CA5A: variants seen among roughly 807,000 people sequenced by gnomAD.
The protein encoded by CA5A is carbonic anhydrase 5A, mitochondrial.
CA5A carries 28 observed loss-of-function variants against 37.1 expected under a neutral mutation model. The observed-to-expected ratio is 0.75, with a 90% CI of 0.56 to 1.03. CA5A has a LOEUF of 1.03. Among genes scored for constraint, CA5A ranks in the 50% least tolerant of loss-of-function variants. The pLI, the probability that CA5A is intolerant of heterozygous loss-of-function variation, is 0.00. For synonymous variants in CA5A, 171 were observed against 158.4 expected, an observed-to-expected ratio of 1.08 and a Z score of -0.60; for missense variants, 444 against 399.9, an observed-to-expected ratio of 1.11 and a Z score of -0.94.
chr16:87,906,060 C>G (rs986624322), intron 2 of CA5A, among the ~76,000 whole-genome samples: 5 of 152,252 alleles, frequency 3.3e-5, no homozygotes, highest in African/African-American at 1.2e-4. Context: ...TTGTCACTAA[C>G]AGATTTCCAT....
intron 1 of CA5A, 113 bp downstream of exon 1, chr16:87,936,196 T>C: frequency 2.3e-5 from 11 of 468,878 alleles, no homozygotes; most frequent in South Asian, 1.3e-4. Context: ...AAAAACGGAG[T>C]GGAAATCTGA....
At chr16:87,893,668 G>C in intron 5 of CA5A, 1 of 581,304 alleles carries the variant, frequency 1.7e-6, no homozygotes, top group Non-Finnish European at 3.2e-6. Context: ...GCCGAGGCTC[G>C]GGCTGGGTCA....
intron 2 of CA5A, among the ~76,000 whole-genome samples, chr16:87,905,859 G>A (rs1355774430): frequency 6.6e-6 from 1 of 152,232 alleles, no homozygotes; most frequent in Non-Finnish European, 1.5e-5. Flanking sequence ...CACAGTGCCA[G>A]GTGCAGCCTC....
intron 2 of CA5A, among the ~76,000 whole-genome samples, chr16:87,905,567 C>T (rs901845839): frequency 2.6e-5 from 4 of 152,152 alleles, no homozygotes; most frequent in African/African-American, 7.2e-5. Flanking sequence ...CCATGTTAGC[C>T]AGGCTGGTCT....
At chr16:87,902,862 A>G (rs993223527) in intron 3 of CA5A, among the ~76,000 whole-genome samples, 1 of 151,018 alleles carries the variant, frequency 6.6e-6, no homozygotes, top group Non-Finnish European at 1.5e-5. Flanking sequence ...CAGTGAGCTG[A>G]GATTGTGCCA....
At chr16:87,886,183 CTT>C (rs898635384), downstream of CA5A, 1 of 127,962 alleles carries the variant, frequency 7.8e-6, no homozygotes, top group African/African-American at 3.0e-5. Flanking sequence ...AAGTTTCGCT[CTT>C]GTTTCCCAGG....
At chr16:87,935,623 C>G (rs2056460660) in intron 1 of CA5A, among the ~76,000 whole-genome samples, 3 of 152,222 alleles carry the variant, frequency 2.0e-5, no homozygotes, top group African/African-American at 7.2e-5. Flanking sequence ...CGCCTGTAAT[C>G]CTAGCACTTT....
chr16:87,897,378 C>T (rs1010353629), intron 5 of CA5A, among the ~76,000 whole-genome samples: 5 of 152,222 alleles, frequency 3.3e-5, no homozygotes, highest in Non-Finnish European at 4.4e-5. Context: ...GGGTCAAAGG[C>T]GAAGCCTTGA....
At chr16:87,932,064 A>C (rs1341889336) in intron 1 of CA5A, among the ~76,000 whole-genome samples, 1 of 151,998 alleles carries the variant, frequency 6.6e-6, no homozygotes, top group Non-Finnish European at 1.5e-5. Flanking sequence ...CAGTGAGCTG[A>C]GATTGCGCTA....
chr16:87,909,409 C>G (rs576278034), intron 2 of CA5A, among the ~76,000 whole-genome samples: 2 of 152,190 alleles, frequency 1.3e-5, no homozygotes, highest in Non-Finnish European at 2.9e-5. Context: ...CTCTATGATA[C>G]GCAAATGAGG....
At chr16:87,917,173 TAAC>T (rs1251336734) in intron 2 of CA5A, among the ~76,000 whole-genome samples, 1 of 150,348 alleles carries the variant, frequency 6.7e-6, no homozygotes, top group Non-Finnish European at 1.5e-5. Flanking sequence ...ATCCAAATGA[TAAC>T]AACAGTGGCT....
chr16:87,909,215 C>G (rs531320137), intron 2 of CA5A, among the ~76,000 whole-genome samples: 1 of 152,264 alleles, frequency 6.6e-6, no homozygotes, highest in South Asian at 2.1e-4. Flanking sequence ...CAAGTCAGCC[C>G]TTTCCAATCT....
chr16:87,916,736 C>G (rs956590141), intron 2 of CA5A, among the ~76,000 whole-genome samples: 2 of 152,194 alleles, frequency 1.3e-5, no homozygotes, highest in Non-Finnish European at 2.9e-5. Context: ...GATCCTTCCT[C>G]CCTACAAAAG....
At chr16:87,889,749 C>G (rs112770575) in intron 6 of CA5A, among the ~76,000 whole-genome samples, 4,749 of 150,566 alleles carry the variant, frequency 0.032, 256 homozygotes, top group African/African-American at 0.11. Context: ...CCAGCCCGGG[C>G]AAGAAGAGGG....
intron 1 of CA5A, among the ~76,000 whole-genome samples, chr16:87,927,636 G>A (rs1440639176): frequency 6.6e-6 from 1 of 152,144 alleles, no homozygotes; most frequent in African/African-American, 2.4e-5. Context: ...CAAGGTGGGT[G>A]GATCACTTGA....
intron 2 of CA5A, among the ~76,000 whole-genome samples, chr16:87,910,007 T>C (rs8044549): frequency 0.027 from 4,179 of 152,212 alleles, 191 homozygotes; most frequent in African/African-American, 0.095. Flanking sequence ...ACCCCCACCA[T>C]AGGACTGCTG....
intron 2 of CA5A, among the ~76,000 whole-genome samples, chr16:87,921,312 A>G (rs2056226321): frequency 6.6e-6 from 1 of 152,214 alleles, no homozygotes; most frequent in South Asian, 2.1e-4. Context: ...TTATTAGTAC[A>G]GGGGTTGACT....
At chr16:87,915,985 C>T (rs112849372) in intron 2 of CA5A, among the ~76,000 whole-genome samples, 5,622 of 151,828 alleles carry the variant, frequency 0.037, 230 homozygotes, top group African/African-American at 0.098. Context: ...CTCGCAATCA[C>T]GGCAGAAGGC....
At chr16:87,915,381 A>G (rs2056122107) in intron 2 of CA5A, among the ~76,000 whole-genome samples, 1 of 152,148 alleles carries the variant, frequency 6.6e-6, no homozygotes, top group Admixed American at 6.6e-5. Context: ...TTACAAAGGA[A>G]AAACAAGGCC....
Sources: gnomAD v4.1 joint callset for allele counts (sites outside exome capture counted in the v4.1 genomes callset) on GRCh38, gnomAD v4.1.1 for gene constraint, MANE v1.5 for transcripts, NCBI Gene and HGNC (gene_info 2026-07-23, HGNC 2026-07-21) for gene names.